The following STPG2 variants were observed in gnomAD, a reference collection of about 807,000 sequenced individuals.
The protein encoded by STPG2 is sperm-tail PG-rich repeat-containing protein 2.
In STPG2, 56 loss-of-function variants were observed where a neutral mutation model predicts 54.2. That is an observed-to-expected ratio of 1.03 (90% CI 0.83 to 1.29). The LOEUF (loss-of-function observed/expected upper bound fraction) is 1.29, where lower values mean the gene tolerates loss of function less well. Among genes scored for constraint, STPG2 ranks in the 50% most tolerant of loss-of-function variants. STPG2 has a pLI of 0.00. For missense variants in STPG2, 596 were observed against 544.9 expected (o/e 1.09, Z -0.93); for synonymous variants, 200 against 181.8 (o/e 1.10, Z -0.81).
At chr4:97,871,858 C>G (rs1475942136) in intron 8 of STPG2, among the ~76,000 whole-genome samples, 1 of 150,664 alleles carries the variant, frequency 6.6e-6, no homozygotes, top group African/African-American at 2.4e-5. Flanking sequence ...AATTATAGAC[C>G]AATCACACTT....
intron 5 of STPG2, among the ~76,000 whole-genome samples, chr4:98,042,656 T>C (rs1396349390): frequency 6.6e-6 from 1 of 152,004 alleles, no homozygotes; most frequent in Non-Finnish European, 1.5e-5. Flanking sequence ...TAATTCAATA[T>C]GGGTTAAGAA....
intron 8 of STPG2, among the ~76,000 whole-genome samples, chr4:97,936,748 C>T (rs1477398461): frequency 6.6e-6 from 1 of 152,204 alleles, no homozygotes; most frequent in Non-Finnish European, 1.5e-5. Flanking sequence ...GAGAGCTTCA[C>T]TGTTAGTCTA....
intron 10 of STPG2, among the ~76,000 whole-genome samples, chr4:97,564,716 A>C (rs1164217691): frequency 3.3e-5 from 5 of 152,166 alleles, no homozygotes; most frequent in Admixed American, 6.5e-5. Context: ...TTGATATGAA[A>C]TTCTGGGTTG....
chr4:97,805,829 T>C (rs1727542516), intron 9 of STPG2, among the ~76,000 whole-genome samples: 2 of 149,898 alleles, frequency 1.3e-5, no homozygotes, highest in South Asian at 2.1e-4. Flanking sequence ...ATTCCTATTA[T>C]TAAAAAGTAA....
chr4:97,983,842 C>A (rs1734751299), intron 5 of STPG2, among the ~76,000 whole-genome samples: 1 of 152,164 alleles, frequency 6.6e-6, no homozygotes, highest in South Asian at 2.1e-4. Flanking sequence ...TACATATATA[C>A]ACTCATACAT....
chr4:97,886,294 CATTT>C (rs1386641453), intron 8 of STPG2, among the ~76,000 whole-genome samples: 2 of 152,138 alleles, frequency 1.3e-5, no homozygotes, highest in Non-Finnish European at 2.9e-5. Context: ...AAAAATAAAA[CATTT>C]ATTTGACTTT....
intron 6 of STPG2, among the ~76,000 whole-genome samples, chr4:97,975,713 C>A (rs1734477061): frequency 1.3e-5 from 2 of 152,154 alleles, no homozygotes; most frequent in Non-Finnish European, 2.9e-5. Context: ...AGTCCTGCCA[C>A]TAAATAGATA....
intron 8 of STPG2, among the ~76,000 whole-genome samples, chr4:97,935,911 G>C (rs1374358053): frequency 6.6e-6 from 1 of 152,112 alleles, no homozygotes; most frequent in Non-Finnish European, 1.5e-5. Context: ...ATCCAGAGCT[G>C]AGCACAAGTC....
intron 4 of STPG2, among the ~76,000 whole-genome samples, chr4:97,443,276 T>C (rs937323208): frequency 6.6e-6 from 1 of 152,164 alleles, no homozygotes; most frequent in Non-Finnish European, 1.5e-5. Context: ...GCTGAGACTT[T>C]GGCCTTATCG....
At chr4:97,868,389 G>C (rs1281474151) in intron 8 of STPG2, among the ~76,000 whole-genome samples, 1 of 151,774 alleles carries the variant, frequency 6.6e-6, no homozygotes, top group Non-Finnish European at 1.5e-5. Flanking sequence ...CAGGAGACTT[G>C]CGTATTTTTA....
At chr4:97,981,342 C>T in intron 5 of STPG2, 24 bp from the exon 6 acceptor site, 1 of 1,610,952 alleles carries the variant, frequency 6.2e-7, no homozygotes, top group Non-Finnish European at 8.5e-7. Context: ...GGAAAATATG[C>T]CAATAAGAAA....
chr4:97,589,373 T>A (rs1001142048), intron 10 of STPG2, among the ~76,000 whole-genome samples: 1 of 152,092 alleles, frequency 6.6e-6, no homozygotes, highest in Non-Finnish European at 1.5e-5. Context: ...TTTGTAGTTT[T>A]GTGAATTAAA....
chr4:97,937,734 A>G (rs780433463), intron 8 of STPG2, among the ~76,000 whole-genome samples: 6 of 152,160 alleles, frequency 3.9e-5, no homozygotes, highest in Admixed American at 1.3e-4. Flanking sequence ...AGGCTGAAGA[A>G]CAGCAAAGAT....
intron 5 of STPG2, among the ~76,000 whole-genome samples, chr4:98,088,505 C>A (rs1738592710): frequency 6.6e-6 from 1 of 151,914 alleles, no homozygotes; most frequent in African/African-American, 2.4e-5. Context: ...AAAATACTCA[C>A]TTCAATAAAT....
At position 98,143,152 on chromosome 4, in the gene STPG2, G is replaced by C; in HGVS notation, c.-2C>G. Reference sequence around the variant, plus strand: ...CAGGCGGGGAGCCCGATCATACATAGTGCTCGGGGTGGTGGGGGCGCTGGG... The same window carrying C: ...CAGGCGGGGAGCCCGATCATACATACTGCTCGGGGTGGTGGGGGCGCTGGG... On this transcript the variant is annotated 5_prime_UTR_variant, in exon 1 of 11. Coordinates refer to ENST00000295268, the MANE Select transcript of STPG2 (RefSeq NM_174952.3). 2 of 1,610,952 alleles carry C rather than the reference G, an allele frequency of 1.2e-6. No homozygotes were observed. The highest frequency in any genetic ancestry group is 1.7e-6 in the Non-Finnish European group (2 of 1,177,888).
intron 10 of STPG2, among the ~76,000 whole-genome samples, chr4:97,640,037 A>G (rs1472304176): frequency 6.6e-6 from 1 of 152,100 alleles, no homozygotes; most frequent in East Asian, 1.9e-4. Flanking sequence ...AATATAATGT[A>G]AAAATAAAAA....
At chr4:97,638,931 G>C (rs1165128414) in intron 10 of STPG2, among the ~76,000 whole-genome samples, 2 of 148,408 alleles carry the variant, frequency 1.3e-5, no homozygotes, top group East Asian at 3.9e-4. Flanking sequence ...GTGGAAGTCA[G>C]TGTGGCGATT....
At chr4:97,736,262 C>T (rs1162272924) in intron 9 of STPG2, among the ~76,000 whole-genome samples, 1 of 152,232 alleles carries the variant, frequency 6.6e-6, no homozygotes, top group Non-Finnish European at 1.5e-5. Flanking sequence ...CTCCAGTCTA[C>T]AGCTACCAGT....
intron 4 of STPG2, among the ~76,000 whole-genome samples, chr4:97,522,848 T>G (rs531743152): frequency 6.6e-6 from 1 of 152,022 alleles, no homozygotes; most frequent in Non-Finnish European, 1.5e-5. Context: ...ACCATCTATA[T>G]TGAATAACTT....
Sources: gnomAD v4.1 joint callset for allele counts (sites outside exome capture counted in the v4.1 genomes callset) on GRCh38, gnomAD v4.1.1 for gene constraint, MANE v1.5 for transcripts, NCBI Gene and HGNC (gene_info 2026-07-23, HGNC 2026-07-21) for gene names.